The following PTPRD variants were observed in gnomAD, a reference collection of about 807,000 sequenced individuals.
PTPRD encodes protein tyrosine phosphatase receptor type D.
PTPRD carries 34 observed loss-of-function variants against 214.5 expected under a neutral mutation model. The observed-to-expected ratio is 0.16, with a 90% confidence interval of 0.12 to 0.21. The LOEUF (loss-of-function observed/expected upper bound fraction) is 0.21. PTPRD is among the 10% of genes least tolerant of loss of function. The pLI is 1.00. For missense variants in PTPRD, 2,545 were observed against 2,398.7 expected (o/e 1.06, Z -1.27); for synonymous variants, 1,128 against 845.7 (o/e 1.33, Z -5.79).
At chr9:10,262,557 C>G (rs899811262) in intron 3 of PTPRD, among the ~76,000 whole-genome samples, 4 of 152,184 alleles carry the variant, frequency 2.6e-5, no homozygotes, top group African/African-American at 9.7e-5. Context: ...TAATTGTTCA[C>G]TGATGATAAG....
chr9:10,270,024 C>T (rs1007319370), intron 3 of PTPRD, among the ~76,000 whole-genome samples: 2 of 151,798 alleles, frequency 1.3e-5, no homozygotes, highest in Admixed American at 6.6e-5. Context: ...GTTACAATGG[C>T]GCTACATAAT....
At chr9:8,453,843 T>A (rs1564924306) in intron 33 of PTPRD, among the ~76,000 whole-genome samples, 1 of 152,148 alleles carries the variant, frequency 6.6e-6, no homozygotes, top group East Asian at 1.9e-4. Context: ...TGGCTGCTGG[T>A]CCAGAGGCCA....
At chr9:9,146,436 G>A (rs2099868747) in intron 10 of PTPRD, among the ~76,000 whole-genome samples, 1 of 152,048 alleles carries the variant, frequency 6.6e-6, no homozygotes, top group Admixed American at 6.6e-5. Flanking sequence ...TGAGGCTCAG[G>A]AGTCTGCCTT....
intron 44 of PTPRD, among the ~76,000 whole-genome samples, chr9:8,321,524 T>TATATAA (rs1828087715): frequency 1.6e-5 from 2 of 127,044 alleles, no homozygotes. Context: ...TATATATATA[T>TATATAA]ATAAAAGGTA....
chr9:10,559,014 G>T (rs1300334219), intron 2 of PTPRD, among the ~76,000 whole-genome samples: 2 of 152,072 alleles, frequency 1.3e-5, no homozygotes, highest in Admixed American at 1.3e-4. Flanking sequence ...TTGTTGGGGA[G>T]GTTTCCACAT....
chr9:9,479,673 G>A lies in PTPRD; in HGVS notation c.-236-82191C>T, dbSNP rs369671319. On this transcript the variant is annotated intron_variant, in intron 8 of 45. Transcript: ENST00000381196. ...ATTATTTGATTGATAATAAATGATG[G>A]CAATCACTATTGTTTTATAGATTGA... 1.7e-4 allele frequency among the ~76,000 whole-genome samples: 26 copies of A among 152,018 alleles called. No homozygotes were observed. The South Asian group carries it at 5.0e-3, about 29-fold the overall frequency.
At chr9:9,625,425 C>G (rs919868371) in intron 7 of PTPRD, among the ~76,000 whole-genome samples, 18 of 152,170 alleles carry the variant, frequency 1.2e-4, no homozygotes, top group African/African-American at 4.3e-4. Context: ...GTATTAATAG[C>G]ACCAGCGTCT....
intron 11 of PTPRD, among the ~76,000 whole-genome samples, chr9:8,771,073 T>A (rs1262689646): frequency 6.6e-6 from 1 of 151,126 alleles, no homozygotes; most frequent in Non-Finnish European, 1.5e-5. Flanking sequence ...CCCAGCTACT[T>A]GGGAGGCTGA....
chr9:9,688,595 G>C (rs1231603566), intron 7 of PTPRD, among the ~76,000 whole-genome samples: 1 of 151,872 alleles, frequency 6.6e-6, no homozygotes, highest in Non-Finnish European at 1.5e-5. Flanking sequence ...GTACGACAAA[G>C]TTTGCGTGAG....
At chr9:8,589,176 C>G (rs191609878) in intron 14 of PTPRD, among the ~76,000 whole-genome samples, 3 of 152,148 alleles carry the variant, frequency 2.0e-5, no homozygotes, top group African/African-American at 7.2e-5. Flanking sequence ...TCTGGCTAAC[C>G]TTTACACTAT....
intron 5 of PTPRD, among the ~76,000 whole-genome samples, chr9:9,892,353 C>T (rs753109367): frequency 1.8e-4 from 27 of 152,078 alleles, no homozygotes; most frequent in Non-Finnish European, 3.5e-4. Context: ...CAATCCATGC[C>T]TGGCGGGGAG....
chr9:8,500,632 A>C, intron 24 of PTPRD, 122 bp downstream of exon 24: 1 of 890,366 alleles, frequency 1.1e-6, no homozygotes, highest in Non-Finnish European at 1.6e-6. Flanking sequence ...AAAAATACTA[A>C]AGTAACAGCA....
At chr9:10,044,681 G>A (rs1589616471) in intron 3 of PTPRD, among the ~76,000 whole-genome samples, 1 of 151,710 alleles carries the variant, frequency 6.6e-6, no homozygotes. Flanking sequence ...AAAGCTCAGG[G>A]AGGCTGGGAA....
At chr9:10,050,249 G>A (rs2097504050) in intron 3 of PTPRD, among the ~76,000 whole-genome samples, 1 of 151,724 alleles carries the variant, frequency 6.6e-6, no homozygotes, top group South Asian at 2.1e-4. Context: ...CTTGCAGGCT[G>A]ATGCAATGAC....
intron 3 of PTPRD, among the ~76,000 whole-genome samples, chr9:10,242,138 G>C (rs2091199091): frequency 6.6e-6 from 1 of 151,892 alleles, no homozygotes; most frequent in Non-Finnish European, 1.5e-5. Flanking sequence ...GATCAATTTA[G>C]CATAAATATT....
intron 9 of PTPRD, among the ~76,000 whole-genome samples, chr9:9,292,849 GT>G (rs1449736997): frequency 1.8e-5 from 2 of 114,252 alleles, no homozygotes; most frequent in Non-Finnish European, 4.4e-5. Flanking sequence ...GAGCTTTTTT[GT>G]TTGTTTGTTT....
chr9:10,443,529 A>C (rs2098775952), intron 2 of PTPRD, among the ~76,000 whole-genome samples: 1 of 151,680 alleles, frequency 6.6e-6, no homozygotes, highest in Non-Finnish European at 1.5e-5. Context: ...GAATAAAGTA[A>C]TTGAAATTCT....
At chr9:10,208,515 A>T (rs1025071006) in intron 3 of PTPRD, among the ~76,000 whole-genome samples, 23 of 152,250 alleles carry the variant, frequency 1.5e-4, no homozygotes, top group Non-Finnish European at 2.6e-4. Flanking sequence ...CTGCGTCTCA[A>T]AAAATAAAAA....
At chr9:8,822,133 C>G (rs115966239) in intron 11 of PTPRD, among the ~76,000 whole-genome samples, 56 of 152,302 alleles carry the variant, frequency 3.7e-4, no homozygotes, top group African/African-American at 1.3e-3. Context: ...ATTTTTCAGT[C>G]TCCATTATTT....
Sources: allele counts gnomAD v4.1 joint callset (sites outside exome capture counted in the v4.1 genomes callset), GRCh38; gene constraint gnomAD v4.1.1; transcripts MANE v1.5; gene names NCBI Gene and HGNC (gene_info 2026-07-23, HGNC 2026-07-21).